SHTN1: variants seen among roughly 807,000 people sequenced by gnomAD.
SHTN1 encodes shootin 1.
In SHTN1, 42 loss-of-function variants were observed where a neutral mutation model predicts 83.1. That is an observed-to-expected ratio of 0.51 (90% confidence interval 0.39 to 0.65). The LOEUF is 0.65. SHTN1 is among the 30% of genes least tolerant of loss of function. The pLI is 0.00. For missense variants in SHTN1, 622 were observed against 737.8 expected, an observed-to-expected ratio of 0.84 and a Z score of 1.82; for synonymous variants, 224 against 247.7, an observed-to-expected ratio of 0.90 and a Z score of 0.90.
At chr10:117,083,136 G>T (rs1406608458) in intron 1 of SHTN1, among the ~76,000 whole-genome samples, 1 of 150,704 alleles carries the variant, frequency 6.6e-6, no homozygotes, top group Non-Finnish European at 1.5e-5. Flanking sequence ...AATCTCGATG[G>T]TCTTTACATT....
rs117431472 is a variant in SHTN1 at position 117,031,205 on chromosome 10, C to T, written c.-123+17240G>A. On this transcript the variant is annotated intron_variant, in intron 2 of 17. Transcript: ENST00000392901. ...TTACAGGTCAGGAGAGAGTGACATA[C>T]TTAAATTGCTGAAGAAAAAAAGTTT... is the stretch of plus-strand genomic sequence containing the variant. Among the ~76,000 whole-genome samples the T allele has an allele frequency of 2.4e-3, 363 of 152,188 alleles. 1 individual carries two copies. The highest frequency in any genetic ancestry group is 4.0e-3 in the Admixed American group (61 of 15,302).
chr10:117,033,760 A>G (rs577547217), intron 2 of SHTN1, among the ~76,000 whole-genome samples: 1 of 152,266 alleles, frequency 6.6e-6, no homozygotes, highest in South Asian at 2.1e-4. Context: ...TCTGATGACT[A>G]TTGATAAAAA....
chr10:116,922,436 T>A (rs944961068), intron 11 of SHTN1, among the ~76,000 whole-genome samples: 2 of 151,976 alleles, frequency 1.3e-5, no homozygotes, highest in African/African-American at 2.4e-5. Flanking sequence ...ATATGTATCT[T>A]ATGAGCCAGT....
At chr10:117,106,357 A>G (rs1853669543) in intron 1 of SHTN1, among the ~76,000 whole-genome samples, 1 of 151,750 alleles carries the variant, frequency 6.6e-6, no homozygotes, top group African/African-American at 2.4e-5. Flanking sequence ...CGTGAGGCTG[A>G]GGCAGGAGAA....
chr10:117,054,877 T>C (rs1320433832), intron 1 of SHTN1, among the ~76,000 whole-genome samples: 1 of 152,162 alleles, frequency 6.6e-6, no homozygotes, highest in Non-Finnish European at 1.5e-5. Context: ...CTTCCATATA[T>C]TGATTTATGT....
chr10:117,000,657 C>T (rs148093764), intron 1 of SHTN1, among the ~76,000 whole-genome samples: 4 of 152,332 alleles, frequency 2.6e-5, no homozygotes, highest in East Asian at 1.9e-4. Context: ...GTTTAGCAGA[C>T]ATGTGTTGTC....
chr10:117,004,916 C>G (rs1564927317), intron 1 of SHTN1, 106 bp downstream of exon 1: 1 of 986,158 alleles, frequency 1.0e-6, no homozygotes, highest in South Asian at 1.8e-5. Context: ...CCACGGCGGC[C>G]GCCACGTCTC....
chr10:116,945,121 C>T, intron 7 of SHTN1, 103 bp from the exon 8 acceptor site: 1 of 730,272 alleles, frequency 1.4e-6, no homozygotes, highest in South Asian at 1.7e-5. Flanking sequence ...TACCAGCATA[C>T]AGGTACCCTC....
intron 1 of SHTN1, 34 bp downstream of exon 1, chr10:117,004,988 G>C (rs772754384): frequency 2.6e-6 from 4 of 1,567,530 alleles, no homozygotes; most frequent in Non-Finnish European, 3.5e-6. Flanking sequence ...CACGGGCCGC[G>C]GCTGCCCACA....
chr10:117,034,852 T>G (rs1198018846), intron 2 of SHTN1, among the ~76,000 whole-genome samples: 1 of 152,148 alleles, frequency 6.6e-6, no homozygotes, highest in Non-Finnish European at 1.5e-5. Flanking sequence ...TGGAAAGATA[T>G]TCTATATTCA....
At position 116,901,638 on chromosome 10, in the gene SHTN1, A is replaced by G. The variant is rs1166026591; in HGVS notation, c.1673+127T>C. On this transcript the variant is annotated intron_variant, in intron 16 of 16. Coordinates refer to ENST00000355371, the MANE Select transcript of SHTN1 (RefSeq NM_001127211.3). ...AATGAAAAAGCTGGCCCATCAAATG[A>G]AAAGAAGAAGAGAATTTACCGGCGA... 13 of 1,354,420 alleles carry G rather than the reference A, an allele frequency of 9.6e-6. No individual in the cohort carries two copies. The East Asian group carries it at 3.6e-4, about 38-fold the overall frequency. 83.9% of individuals were successfully genotyped at this position (1,354,420 alleles called of 1,614,324 possible).
At chr10:117,100,206 G>A (rs114605331) in intron 1 of SHTN1, among the ~76,000 whole-genome samples, 2,329 of 152,208 alleles carry the variant, frequency 0.015, 68 homozygotes, top group African/African-American at 0.053. Context: ...AAAAAATAAA[G>A]AGTAAATACA....
intron 9 of SHTN1, 150 bp downstream of exon 9, chr10:116,940,316 C>G (rs1364187413): frequency 3.1e-6 from 2 of 640,756 alleles, no homozygotes; most frequent in East Asian, 5.7e-5. Context: ...TTATTTTTTT[C>G]TAAAAGGTGG....
intron 1 of SHTN1, among the ~76,000 whole-genome samples, chr10:117,071,005 A>C (rs571225693): frequency 1.3e-4 from 19 of 151,974 alleles, no homozygotes; most frequent in African/African-American, 4.1e-4. Flanking sequence ...AGAGGCTTGG[A>C]GATATCAACT....
At chr10:116,988,141 C>T (rs1237037519) in intron 1 of SHTN1, among the ~76,000 whole-genome samples, 3 of 151,990 alleles carry the variant, frequency 2.0e-5, no homozygotes, top group East Asian at 1.9e-4. Flanking sequence ...AATTCTGGCT[C>T]AACAATTCTA....
chr10:117,091,028 T>C (rs1564956381), intron 1 of SHTN1, among the ~76,000 whole-genome samples: 1 of 152,158 alleles, frequency 6.6e-6, no homozygotes, highest in African/African-American at 2.4e-5. Flanking sequence ...GTGTGTGTGG[T>C]AGCACTAAAT....
chr10:116,962,060 AC>A (rs1183683426), intron 3 of SHTN1, among the ~76,000 whole-genome samples: 1 of 102,878 alleles, frequency 9.7e-6, no homozygotes, highest in East Asian at 3.4e-4. Context: ...CTTCCACATC[AC>A]CCCCCTTCTT....
At position 116,944,936 on chromosome 10, in the gene SHTN1, T is replaced by G; in HGVS notation, c.699A>C (p.Ser233=). The change falls in exon 8 of 17, where the codon TCA becomes TCC. Residue 233 remains serine (S), a synonymous_variant. Transcript: ENST00000355371. ...LEKDLRKKAE[S]FAQEMFIEQN... ...ACAAGATACCCACCTCTTGTGCAAA[T>G]GACTCTGCTTTCTTTCGAAGGTCCT... The G allele has an allele frequency of 6.2e-7, 1 of 1,605,720 alleles. No homozygotes were observed. The highest frequency in any genetic ancestry group is 8.5e-7 in the Non-Finnish European group (1 of 1,172,462).
rs200220372 is a variant in SHTN1 at position 116,975,699 on chromosome 10, C to CA, written c.111+3556dup. Among the ~76,000 whole-genome samples the CA allele has an allele frequency of 3.0e-3, 444 of 150,498 alleles. 3 individuals carry two copies. The highest frequency in any genetic ancestry group is 3.8e-3 in the Non-Finnish European group (254 of 67,618). On this transcript the variant is annotated intron_variant, in intron 2 of 16. Coordinates refer to ENST00000355371, the MANE Select transcript of SHTN1 (RefSeq NM_001127211.3). ...CAGTTTTCCTAAAATGGAAGAACTG[C>CA]AAAAAAAAGAGAAAATATCCATCAA... is the stretch of plus-strand genomic sequence containing the variant.
Sources: allele counts gnomAD v4.1 joint callset (sites outside exome capture counted in the v4.1 genomes callset), GRCh38; gene constraint gnomAD v4.1.1; transcripts MANE v1.5; gene names NCBI Gene and HGNC (gene_info 2026-07-23, HGNC 2026-07-21).